The following FNDC1 variants were observed in gnomAD, a reference collection of about 807,000 sequenced individuals.
FNDC1 encodes fibronectin type III domain containing 1.
A neutral mutation model predicts 168.0 loss-of-function variants in FNDC1; 96 were observed. The ratio of observed to expected loss-of-function variants is 0.57; its 90% confidence interval spans 0.48 to 0.68. FNDC1 has a LOEUF of 0.68. Ranked by LOEUF, FNDC1 falls within the 30% of genes least tolerant of loss-of-function variation. The pLI, the probability that FNDC1 is intolerant of heterozygous loss-of-function variation, is 0.00. For synonymous variants in FNDC1, 1,099 were observed against 1,025.9 expected, an observed-to-expected ratio of 1.07 and a Z score of -1.36; for missense variants, 2,587 against 2,482.1, an observed-to-expected ratio of 1.04 and a Z score of -0.90.
chr6:159,215,116 C>T lies in FNDC1; in HGVS notation c.632C>T (p.Thr211Ile), dbSNP rs1782684186. 1 of 1,614,008 alleles carries T rather than the reference C, an allele frequency of 6.2e-7. No homozygotes were observed. The highest frequency in any genetic ancestry group is 1.3e-5 in the African/African-American group (1 of 75,046). The stretch of plus-strand genomic sequence containing the variant: ...CGGAAGATGAATTATGTTCCACTGA[C>T]AAGAGATGAACGGACACACGAAATT... The part of the protein sequence containing the change: ...SGRKMNYVPL[T>I]RDERTHEIKK... Residue 211 changes from threonine to isoleucine, a missense_variant, in exon 5 of 23, where the codon ACA (threonine) becomes ATA (isoleucine). Coordinates refer to ENST00000297267, the MANE Select transcript of FNDC1 (RefSeq NM_032532.3).
chr6:159,221,632 C>T lies in FNDC1; in HGVS notation c.702C>T (p.Ser234=). ...CCGTGTATGTGGTCTCCCTGCAGTC[C>T]ATGAACTCTCAGGGCCGGAGCCAAC... ...SESVYVVSLQ[S]MNSQGRSQPV... is the part of the protein sequence containing the mutation. Residue 234 remains serine (S), a synonymous_variant, in exon 6 of 23, where the codon TCC becomes TCT. Transcript: ENST00000297267. The T allele has an allele frequency of 4.3e-6, 7 of 1,613,986 alleles. No individual in the cohort carries two copies. In the South Asian group the frequency reaches 4.4e-5, roughly 10 times the overall value.
intron 14 of FNDC1, among the ~76,000 whole-genome samples, chr6:159,245,168 A>G (rs986491003): frequency 6.6e-6 from 1 of 152,144 alleles, no homozygotes; most frequent in Non-Finnish European, 1.5e-5. Flanking sequence ...CCATAATCCA[A>G]TCACTTTCCA....
At chr6:159,260,199 C>T (rs1777455112) in intron 18 of FNDC1, among the ~76,000 whole-genome samples, 1 of 152,334 alleles carries the variant, frequency 6.6e-6, no homozygotes. Context: ...CTCTCTTCAT[C>T]TGTAAGTAGC....
At chr6:159,235,218 G>C (rs1417841637) in intron 11 of FNDC1, among the ~76,000 whole-genome samples, 1 of 152,202 alleles carries the variant, frequency 6.6e-6, no homozygotes, top group African/African-American at 2.4e-5. Flanking sequence ...TCCAGGGCAG[G>C]GTCCGAGGCA....
chr6:159,216,859 G>A (rs682041), intron 5 of FNDC1, among the ~76,000 whole-genome samples: 73,555 of 152,216 alleles, frequency 0.48, 20,212 homozygotes, highest in African/African-American at 0.75. Flanking sequence ...CAAGGAAAAG[G>A]ATGTGATTGA....
At chr6:159,183,290 C>A (rs369295167) in intron 1 of FNDC1, among the ~76,000 whole-genome samples, 1 of 152,196 alleles carries the variant, frequency 6.6e-6, no homozygotes, top group Non-Finnish European at 1.5e-5. Context: ...AAAATGGGTT[C>A]TTTTCAGCCT....
At chr6:159,244,516 G>T (rs1271834669) in intron 14 of FNDC1, among the ~76,000 whole-genome samples, 1 of 152,186 alleles carries the variant, frequency 6.6e-6, no homozygotes, top group Non-Finnish European at 1.5e-5. Context: ...ACTACTCGAG[G>T]TTGCCATTGC....
At chr6:159,199,854 A>G (rs911700281) in intron 2 of FNDC1, 142 bp from the exon 3 acceptor site, 4 of 662,894 alleles carry the variant, frequency 6.0e-6, no homozygotes, top group African/African-American at 5.4e-5. Flanking sequence ...AGAGACATCT[A>G]TCATTATGCT....
At chr6:159,238,456 C>T in intron 12 of FNDC1, 98 bp from the exon 13 acceptor site, 1 of 730,038 alleles carries the variant, frequency 1.4e-6, no homozygotes, top group African/African-American at 1.8e-5. Context: ...TTACGGTTTC[C>T]TTCTGTGGAA....
rs568371645 is a variant in FNDC1, at chr6:159,233,941, C to T, written c.3429C>T (p.Gly1143=). Residue 1143 remains glycine (G), a synonymous_variant, in exon 11 of 23, where the codon GGC becomes GGT. Coordinates refer to ENST00000297267, the MANE Select transcript of FNDC1 (RefSeq NM_032532.3). The surrounding 1 kb of genome is among the most constrained non-coding windows in gnomAD (Gnocchi z 4.6). ...CCGCCAGGCCCAGCCGACCCGGCGG[C>T]CCCCAGTCCCGCGCCCGGGTACCCA... ...ASPARPSRPG[G]PQSRARVPSR... 1.9e-6 allele frequency: 3 copies of T among 1,561,066 alleles called. No homozygotes were observed. The highest frequency in any genetic ancestry group is 1.9e-5 in the Admixed American group (1 of 52,112).
In FNDC1 at chr6:159,233,801, G is replaced by T; in HGVS notation, c.3289G>T (p.Ala1097Ser). The change falls in exon 11 of 23, where the codon GCC becomes TCC. Residue 1097 changes from alanine (A) to serine (S), a missense_variant. Coordinates refer to ENST00000297267, the MANE Select transcript of FNDC1 (RefSeq NM_032532.3). This position sits in a 1 kb window ranked among gnomAD's most constrained non-coding sequence, Gnocchi z 4.6. ...EAQDVRAPAH[A>S]ARAKEAAASL... Reference sequence around the variant, plus strand: ...CCAGGATGTGCGGGCCCCCGCGCACGCCGCGCGCGCCAAGGAGGCAGCTGC... The same window carrying T: ...CCAGGATGTGCGGGCCCCCGCGCACTCCGCGCGCGCCAAGGAGGCAGCTGC... 6.5e-7 allele frequency: 1 copy of T among 1,536,728 alleles called. No individual in the cohort carries two copies. Among genetic ancestry groups the T allele is most frequent in the Non-Finnish European group, 8.8e-7 (1 of 1,140,970 alleles).
Position 159,197,594 on chromosome 6 carries a change from G to A in FNDC1, c.273G>A (p.Ala91=), listed in dbSNP as rs769739730. The change falls in exon 2 of 23, where the codon GCG becomes GCA. Residue 91 remains alanine, a synonymous_variant. Coordinates refer to ENST00000297267, the MANE Select transcript of FNDC1 (RefSeq NM_032532.3). The stretch of plus-strand genomic sequence containing the variant: ...GTCTTAAATACATCAAGGTGAATGC[G>A]GAGACATACTCCTTCCTTATTGAGG... The part of the protein sequence containing the change: ...LKSLKYIKVN[A]ETYSFLIEDV... The A allele has an allele frequency of 4.2e-5, 68 of 1,613,144 alleles. No homozygotes were observed. Among genetic ancestry groups the A allele is most frequent in the East Asian group, 1.6e-4 (7 of 44,850 alleles).
chr6:159,224,461 A>G (rs1173645674), intron 7 of FNDC1, among the ~76,000 whole-genome samples: 2 of 152,194 alleles, frequency 1.3e-5, no homozygotes, highest in East Asian at 3.8e-4. Context: ...TTTAAAACGA[A>G]TGGGATATGA....
At chr6:159,172,506 A>AT (rs1781683467) in intron 1 of FNDC1, among the ~76,000 whole-genome samples, 1 of 152,114 alleles carries the variant, frequency 6.6e-6, no homozygotes, top group African/African-American at 2.4e-5. Context: ...CAATATTTAA[A>AT]TTTTTTTCTA....
At chr6:159,254,729 A>T (rs1777338285) in intron 17 of FNDC1, among the ~76,000 whole-genome samples, 1 of 121,676 alleles carries the variant, frequency 8.2e-6, no homozygotes, top group Non-Finnish European at 1.8e-5. Flanking sequence ...AAAAAAAAAA[A>T]ATCAGACTCA....
rs76042200 is a variant in FNDC1 at position 159,247,467 on chromosome 6, G to T, written c.4690+498G>T. ...GTAGGTTTGTAAGATTAGGATCAGA[G>T]GCCGGCCGCAGTGGCTCAAGCCTGT... On this transcript the variant is annotated intron_variant, in intron 15 of 22. Transcript: ENST00000297267. Among the ~76,000 whole-genome samples, 96 of 152,260 alleles carry T rather than the reference G, an allele frequency of 6.3e-4. 2 individuals carry two copies. In the East Asian group the frequency reaches 0.017, roughly 26 times the overall value.
chr6:159,177,107 G>C (rs893416448), intron 1 of FNDC1, among the ~76,000 whole-genome samples: 1 of 152,134 alleles, frequency 6.6e-6, no homozygotes, highest in Non-Finnish European at 1.5e-5. Context: ...TGGGGCCAGG[G>C]GTGGGTCTGT....
intron 14 of FNDC1, among the ~76,000 whole-genome samples, chr6:159,241,577 A>T (rs1248887763): frequency 6.6e-6 from 1 of 152,238 alleles, no homozygotes; most frequent in Non-Finnish European, 1.5e-5. Flanking sequence ...ACACAGTCTT[A>T]TGGAAAAGTT....
At chr6:159,185,676 G>A (rs949350269) in intron 1 of FNDC1, among the ~76,000 whole-genome samples, 52 of 152,272 alleles carry the variant, frequency 3.4e-4, no homozygotes, top group Middle Eastern at 3.4e-3. Context: ...AAGGAGGAAG[G>A]TACAAAAGGC....
Sources: gnomAD v4.1 joint callset for allele counts (sites outside exome capture counted in the v4.1 genomes callset) on GRCh38, gnomAD v4.1.1 for gene constraint, Gnocchi (gnomAD v3.1) non-coding constraint, MANE v1.5 for transcripts, NCBI Gene and HGNC (gene_info 2026-07-23, HGNC 2026-07-21) for gene names.